The following KCP variants were observed in gnomAD, a reference collection of about 807,000 sequenced individuals.
KCP encodes the protein kielin/chordin-like protein.
A neutral mutation model predicts 212.7 loss-of-function variants in KCP; 194 were observed. That is an observed-to-expected ratio of 0.91 (90% CI 0.81 to 1.03). The LOEUF (loss-of-function observed/expected upper bound fraction) is 1.03, where lower values mean the gene tolerates loss of function less well. Among genes scored for constraint, KCP ranks in the 50% least tolerant of loss-of-function variants. The pLI is 0.00. For missense variants in KCP, 2,080 were observed against 2,162.5 expected, an observed-to-expected ratio of 0.96 and a Z score of 0.76; for synonymous variants, 833 against 865.3, an observed-to-expected ratio of 0.96 and a Z score of 0.65.
intron 7 of KCP, 53 bp downstream of exon 7, chr7:128,903,674 A>G: frequency 7.1e-7 from 1 of 1,413,504 alleles, no homozygotes; most frequent in Non-Finnish European, 9.5e-7. Context: ...AATTCAAGAA[A>G]TGGCACGACA....
intron 8 of KCP, among the ~76,000 whole-genome samples, chr7:128,901,246 GAA>G (rs1794823587): frequency 6.6e-6 from 1 of 152,184 alleles, no homozygotes. Context: ...ATATCATCAA[GAA>G]ATAACCATAA....
Position 128,893,293 on chromosome 7 carries a change from C to G in KCP, c.1212G>C (p.Gln404His). Residue 404 changes from glutamine (Q) to histidine (H), a missense_variant, in exon 13 of 40, where the codon CAG (glutamine) becomes CAC (histidine). Transcript: ENST00000610776. The stretch of plus-strand genomic sequence containing the variant: ...GGGCACAGGGGGTGACTGGGCACTC[C>G]TGCTCCTCACAGGAGACCTCGCCAG... ...CQAGEVSCEEQECPVTPCALP... is the reference protein window; with the variant it reads ...CQAGEVSCEEHECPVTPCALP... 6.4e-7 allele frequency: 1 copy of G among 1,551,554 alleles called. No individual in the cohort carries two copies. The highest frequency in any genetic ancestry group is 8.7e-7 in the Non-Finnish European group (1 of 1,146,934).
rs1416592368 is a variant in KCP at position 128,907,388 on chromosome 7, C to T, written c.285G>A (p.Gln95=). The part of the protein sequence containing the change: ...ESCECHPASP[Q]CWGLGRAWPE... ...GCCAGGCACGCCCCAGCCCCCAGCA[C>T]TGGGGAGATGCAGGGTGGCACTCAC... The change falls in exon 3 of 40, where the codon CAG becomes CAA. Residue 95 remains glutamine (Q), a synonymous_variant. Transcript: ENST00000610776. The T allele has an allele frequency of 6.5e-7, 1 of 1,535,068 alleles. No homozygotes were observed. The highest frequency in any genetic ancestry group is 1.2e-5 in the South Asian group (1 of 83,540).
At chr7:128,893,765 C>T (rs12706859) in intron 11 of KCP, 41 bp downstream of exon 11, 436,047 of 1,534,646 alleles carry the variant, frequency 0.28, 66,573 homozygotes, top group Non-Finnish European at 0.32. Context: ...TCTCTGCAGC[C>T]AAGGCCTGCC....
intron 8 of KCP, among the ~76,000 whole-genome samples, chr7:128,901,844 G>C (rs1794866311): frequency 6.6e-6 from 1 of 152,046 alleles, no homozygotes; most frequent in Non-Finnish European, 1.5e-5. Context: ...CTCCTCAGGT[G>C]CCCCCACCTG....
intron 29 of KCP, among the ~76,000 whole-genome samples, chr7:128,883,121 A>T (rs1793430787): frequency 1.3e-5 from 2 of 149,342 alleles, no homozygotes; most frequent in African/African-American, 5.0e-5. Flanking sequence ...ATTATCATTA[A>T]AAAAAAAAGT....
intron 22 of KCP, among the ~76,000 whole-genome samples, 184 bp downstream of exon 22, chr7:128,888,679 C>T (rs1186681866): frequency 1.3e-5 from 2 of 152,086 alleles, no homozygotes; most frequent in African/African-American, 4.8e-5. Flanking sequence ...CACACATACA[C>T]ACACACATAC....
chr7:128,878,643 T>G lies in KCP; in HGVS notation c.4226A>C (p.Asn1409Thr), dbSNP rs1793133960. The change falls in exon 38 of 40, where the codon AAC becomes ACC. Residue 1409 changes from asparagine to threonine, a missense_variant. By Grantham distance (65) the Asn-to-Thr change is moderately conservative. Transcript: ENST00000610776. The part of the protein sequence containing the change: ...YQGRTCGLCG[N>T]FNGFAQDDLQ... ...ATCGTCCTGGGCAAAGCCATTGAAG[T>G]TCCCACAGAGCCCACAAGTCCGGCC... 1.3e-6 allele frequency: 2 copies of G among 1,551,244 alleles called. No homozygotes were observed. The highest frequency in any genetic ancestry group is 1.7e-6 in the Non-Finnish European group (2 of 1,146,976).
At position 128,877,626 on chromosome 7, in the gene KCP, G is replaced by A; in HGVS notation, c.4476C>T (p.Phe1492=). 1 of 1,551,686 alleles carries A rather than the reference G, an allele frequency of 6.4e-7. No homozygotes were observed. Among genetic ancestry groups the A allele is most frequent in the Non-Finnish European group, 8.7e-7 (1 of 1,147,002 alleles). Residue 1492 remains phenylalanine, a synonymous_variant, in exon 39 of 40, where the codon TTC becomes TTT. Coordinates refer to ENST00000610776, the MANE Select transcript of KCP (RefSeq NM_001366122.1). ...RCHAVVPPEP[F]FAACVYDLCA... ...ACAGGTCATACACACAGGCGGCAAA[G>A]AAGGGCTCCGGTGGCACCACAGCAT...
chr7:128,908,251 G>GAAAGAAAGA (rs10565205), intron 2 of KCP, among the ~76,000 whole-genome samples, 175 bp downstream of exon 2: 118 of 101,268 alleles, frequency 1.2e-3, no homozygotes, highest in African/African-American at 3.0e-3. Context: ...AAGAAAGAAA[G>GAAAGAAAGA]AAGAAAGAAA....
chr7:128,886,193 A>C (rs770638328), intron 26 of KCP, among the ~76,000 whole-genome samples: 1 of 152,202 alleles, frequency 6.6e-6, no homozygotes, highest in Non-Finnish European at 1.5e-5. Context: ...TTGGCCTCCC[A>C]AAGTGCTGGG....
chr7:128,897,164 C>G (rs924769393), intron 8 of KCP, among the ~76,000 whole-genome samples: 2 of 152,154 alleles, frequency 1.3e-5, no homozygotes, highest in Non-Finnish European at 2.9e-5. Context: ...CTTTGTGTGT[C>G]TTTCTGTATT....
intron 23 of KCP, 87 bp from the exon 24 acceptor site, chr7:128,887,053 C>T: frequency 2.0e-6 from 2 of 1,023,078 alleles, no homozygotes; most frequent in Non-Finnish European, 3.0e-6. Flanking sequence ...GGGGCCCAAA[C>T]ACCCTCCCTT....
rs112483370 is a variant in KCP at position 128,883,008 on chromosome 7, T to C, written c.3245-992A>G. Among the ~76,000 whole-genome samples the C allele has an allele frequency of 4.4e-3, 670 of 151,736 alleles. 8 individuals are homozygous for C. The highest frequency in any genetic ancestry group is 0.016 in the African/African-American group (646 of 41,392). On this transcript the variant is annotated intron_variant, in intron 29 of 39. Coordinates refer to ENST00000610776, the MANE Select transcript of KCP (RefSeq NM_001366122.1). ...AATCCCTCGAATCCAGAGGTTGCAGTGAGCCGAGATTGTGCCACCGCACTC... is the reference window on the plus strand; with the variant it reads ...AATCCCTCGAATCCAGAGGTTGCAGCGAGCCGAGATTGTGCCACCGCACTC...
At chr7:128,904,220 G>A (rs1795007760) in intron 5 of KCP, 82 bp from the exon 6 acceptor site, 2 of 1,525,844 alleles carry the variant, frequency 1.3e-6, no homozygotes, top group African/African-American at 2.8e-5. Flanking sequence ...ATGACCCCAA[G>A]TAGGTACTGG....
intron 20 of KCP, 118 bp from the exon 21 acceptor site, chr7:128,890,631 TCGTGGGGGCTGGGGGTC>T (rs1794043915): frequency 1.3e-5 from 2 of 149,652 alleles, no homozygotes; most frequent in South Asian, 1.0e-4. Context: ...GGGCTGGAGG[TCGTGGGGGCTGGGGGTC>T]CGTGAGGGCG....
At position 128,894,005 on chromosome 7, in the gene KCP, C is replaced by T. The variant is rs1794357126; in HGVS notation, c.976G>A (p.Gly326Arg). 5.2e-6 allele frequency: 8 copies of T among 1,550,260 alleles called. No homozygotes were observed. The highest frequency in any genetic ancestry group is 7.0e-6 in the Non-Finnish European group (8 of 1,146,444). The stretch of plus-strand genomic sequence containing the variant: ...CAGCGGCAGTGCGAGCAGGGGTCCC[C>T]TGAGCCCACAGGCTCCCCGCTGCGG... ...EHRSGEPVGS[G>R]DPCSHCRCAN... Residue 326 changes from glycine to arginine, a missense_variant, in exon 10 of 40, where the codon GGG becomes AGG. Gly to Arg is a moderately radical substitution (Grantham distance 125, BLOSUM62 -2). Coordinates refer to ENST00000610776, the MANE Select transcript of KCP (RefSeq NM_001366122.1).
intron 5 of KCP, chr7:128,904,356 G>A (rs1795018547): frequency 1.3e-6 from 2 of 1,551,680 alleles, no homozygotes; most frequent in African/African-American, 2.7e-5. Context: ...GAACACGAGG[G>A]CCCCTGGCAC....
In KCP at chr7:128,879,785, C is replaced by T. The variant is rs1563018635; in HGVS notation, c.3977G>A (p.Trp1326Ter). 2.6e-6 allele frequency: 4 copies of T among 1,550,656 alleles called. No individual in the cohort carries two copies. In the Admixed American group the frequency reaches 5.9e-5, roughly 23 times the overall value. The change falls in exon 36 of 40, where the codon TGG (tryptophan) becomes TAG (stop). Residue 1326 changes from tryptophan to a stop codon, truncating the protein, a stop_gained. Coordinates refer to ENST00000610776, the MANE Select transcript of KCP (RefSeq NM_001366122.1). LOFTEE classifies it high-confidence loss of function. ...CAGCAGCACCGCCACCTCCTGGGTCCAGGCCACACCGCTCCGGCCCCGGTC... is the reference window on the plus strand; with the variant it reads ...CAGCAGCACCGCCACCTCCTGGGTCTAGGCCACACCGCTCCGGCCCCGGTC... ...NDDRGRSGVA[W>*]TQEVAVLLGD...
Sources: allele counts gnomAD v4.1 joint callset (sites outside exome capture counted in the v4.1 genomes callset), GRCh38; gene constraint gnomAD v4.1.1; transcripts MANE v1.5; gene names NCBI Gene and HGNC (gene_info 2026-07-23, HGNC 2026-07-21).